ZNF69: variants seen among roughly 807,000 people sequenced by gnomAD.
ZNF69 encodes zinc finger protein 69.
In ZNF69, 47 loss-of-function variants were observed where a neutral mutation model predicts 50.9. The observed-to-expected ratio is 0.92, with a 90% confidence interval of 0.73 to 1.18. The LOEUF is 1.18. Ranked by LOEUF, ZNF69 falls within the 50% of genes most tolerant of loss-of-function variation. The pLI, the probability that ZNF69 is intolerant of heterozygous loss-of-function variation, is 0.00. For missense variants in ZNF69, 717 were observed against 675.1 expected (o/e 1.06, Z -0.69); for synonymous variants, 216 against 223.1 (o/e 0.97, Z 0.29).
chr19:11,903,173 G>T (rs894810700), intron 1 of ZNF69, among the ~76,000 whole-genome samples: 1 of 151,962 alleles, frequency 6.6e-6, no homozygotes, highest in Non-Finnish European at 1.5e-5. Flanking sequence ...GGTGGCTCAC[G>T]CCTGTAATCC....
At chr19:11,949,893 G>C in the ZNF69 span, 2 of 1,613,882 alleles carry the variant, frequency 1.2e-6, no homozygotes, top group South Asian at 2.2e-5. Flanking sequence ...ATGAGTGTAA[G>C]CAATGTGGGA....
In ZNF69 at chr19:11,906,376, C is replaced by T. The variant is rs1599360405; in HGVS notation, c.*278C>T. The T allele has an allele frequency of 2.7e-6, 2 of 746,276 alleles. No individual in the cohort carries two copies. Among genetic ancestry groups the T allele is most frequent in the Non-Finnish European group, 3.6e-6 (2 of 558,796 alleles). The allele number at this position is 746,276 out of a possible 1,614,324, so 46.2% of individuals were successfully genotyped here. A position where few individuals can be genotyped will look rare whatever the true frequency, so the allele number is the denominator to read the frequency against. On this transcript the variant is annotated 3_prime_UTR_variant, in exon 4 of 4. Transcript: ENST00000429654. ...GATCTAAGAATGGACAGTCTGCCTC[C>T]TCAAGTGGGTCCCTGATCTCCAAGT...
At chr19:11,958,208 CA>C in the ZNF69 span, among the ~76,000 whole-genome samples, 5 of 152,246 alleles carry the variant, frequency 3.3e-5, no homozygotes, top group South Asian at 1.0e-3. Context: ...TTGTATCCTT[CA>C]TAGTAAGTGG....
the ZNF69 span, among the ~76,000 whole-genome samples, chr19:11,932,919 G>A: frequency 6.7e-6 from 1 of 148,454 alleles, no homozygotes; most frequent in Non-Finnish European, 1.5e-5. Flanking sequence ...TTACAGGCGT[G>A]AGCCACTGCA....
chr19:11,950,140 T>A, the ZNF69 span: 12 of 1,613,914 alleles, frequency 7.4e-6, no homozygotes, highest in African/African-American at 1.6e-4. Flanking sequence ...ACACTATGAA[T>A]GTAAGGAATG....
At chr19:11,932,827 CG>C in the ZNF69 span, among the ~76,000 whole-genome samples, 1 of 147,360 alleles carries the variant, frequency 6.8e-6, no homozygotes, top group East Asian at 1.9e-4. Context: ...TTAGTAGAGA[CG>C]GGGTTTCACC....
chr19:11,965,353 G>A, the ZNF69 span: 9 of 1,194,686 alleles, frequency 7.5e-6, no homozygotes. Flanking sequence ...TCGGCCCTCG[G>A]TCCCCTCGGC....
chr19:11,905,272 G>A lies in ZNF69; in HGVS notation c.875G>A (p.Arg292His), dbSNP rs551769883. Reference protein sequence around the residue: ...GKAFHSPRCYRRHERIHTGEK... With the variant: ...GKAFHSPRCYHRHERIHTGEK... ...GCATTTCATAGTCCCAGATGCTATCGTAGACATGAAAGGATTCACACGGGA... is the reference window on the plus strand; with the variant it reads ...GCATTTCATAGTCCCAGATGCTATCATAGACATGAAAGGATTCACACGGGA... The change falls in exon 4 of 4, where the codon CGT (arginine) becomes CAT (histidine). Residue 292 changes from arginine to histidine, a missense_variant. Coordinates refer to ENST00000429654, the MANE Select transcript of ZNF69 (RefSeq NM_001364730.1). 192 of 1,613,858 alleles carry A rather than the reference G, an allele frequency of 1.2e-4. 1 individual carries two copies. Among genetic ancestry groups the A allele is most frequent in the Middle Eastern group, 1.2e-3 (7 of 6,058 alleles).
rs761988462 is a variant in ZNF69, at chr19:11,904,669, T to C, written c.272T>C (p.Val91Ala). The change falls in exon 4 of 4, where the codon GTC becomes GCC. Residue 91 changes from valine (V) to alanine (A), a missense_variant. Val to Ala is a moderately conservative substitution (Grantham distance 64). Coordinates refer to ENST00000429654, the MANE Select transcript of ZNF69 (RefSeq NM_001364730.1). ...RNFRSLIEKK[V>A]NEIKDDSHCG... The stretch of plus-strand genomic sequence containing the variant: ...GACAGGAGTCTCATAGAAAAGAAAG[T>C]CAATGAAATTAAAGATGACAGTCAT... The C allele has an allele frequency of 6.2e-7, 1 of 1,612,676 alleles. No homozygotes were observed. The highest frequency in any genetic ancestry group is 1.1e-5 in the South Asian group (1 of 90,796).
chr19:11,948,974 A>T, the ZNF69 span: 4 of 1,607,890 alleles, frequency 2.5e-6, no homozygotes, highest in South Asian at 2.2e-5. Flanking sequence ...GCATTTGCAT[A>T]TACCAGTTCT....
the ZNF69 span, chr19:11,980,026 T>C: frequency 3.5e-6 from 4 of 1,136,232 alleles, no homozygotes; most frequent in African/African-American, 3.1e-5. Context: ...TCACTTCTTT[T>C]CGATAACATG....
chr19:11,943,456 A>G, the ZNF69 span, among the ~76,000 whole-genome samples: 5 of 152,198 alleles, frequency 3.3e-5, no homozygotes, highest in Admixed American at 2.0e-4. Flanking sequence ...TTGTAACCAT[A>G]TGATCCGGTT....
At chr19:11,924,344 A>T in the ZNF69 span, among the ~76,000 whole-genome samples, 3 of 149,726 alleles carry the variant, frequency 2.0e-5, no homozygotes, top group African/African-American at 7.4e-5. Context: ...AGGTAAGAGA[A>T]TGGCGTGAAC....
At chr19:11,904,272 C>T (rs1188210907) in intron 3 of ZNF69, among the ~76,000 whole-genome samples, 1 of 152,108 alleles carries the variant, frequency 6.6e-6, no homozygotes, top group Non-Finnish European at 1.5e-5. Context: ...GTAGTCCCAG[C>T]TACTCAGGAG....
At chr19:11,895,871 C>T (rs1424992568) in intron 1 of ZNF69, among the ~76,000 whole-genome samples, 1 of 152,090 alleles carries the variant, frequency 6.6e-6, no homozygotes, top group African/African-American at 2.4e-5. Flanking sequence ...TAAGTGTTCA[C>T]CACTTGTATC....
intron 1 of ZNF69, among the ~76,000 whole-genome samples, chr19:11,890,616 C>T (rs1049972832): frequency 2.6e-5 from 4 of 152,126 alleles, no homozygotes; most frequent in East Asian, 1.9e-4. Flanking sequence ...TGCACCACCA[C>T]GCCTGCCTAA....
rs1972360732 is a variant in ZNF69, at chr19:11,905,837, T to G, written c.1440T>G (p.Cys480Trp). The G allele has an allele frequency of 6.2e-7, 1 of 1,613,854 alleles. No homozygotes were observed. The highest frequency in any genetic ancestry group is 1.7e-5 in the Admixed American group (1 of 59,984). Residue 480 changes from cysteine to tryptophan, a missense_variant, in exon 4 of 4, where the codon TGT becomes TGG. Physicochemically the swap from Cys to Trp is radical, Grantham distance 215. Coordinates refer to ENST00000429654, the MANE Select transcript of ZNF69 (RefSeq NM_001364730.1). ...ACTCTGGAGAAAGACCTTATAAATGTAAGCTATGTGGGAAAGGCTTTTATT... is the reference window on the plus strand; with the variant it reads ...ACTCTGGAGAAAGACCTTATAAATGGAAGCTATGTGGGAAAGGCTTTTATT... ...RIHSGERPYK[C>W]KLCGKGFYCP... is the part of the protein sequence containing the mutation.
the ZNF69 span, chr19:11,977,015 T>G: frequency 6.2e-6 from 10 of 1,613,766 alleles, no homozygotes; most frequent in Non-Finnish European, 8.5e-6. Flanking sequence ...CCCAGCCTCC[T>G]CTACACATGT....
At chr19:11,962,606 C>A in the ZNF69 span, among the ~76,000 whole-genome samples, 1 of 152,064 alleles carries the variant, frequency 6.6e-6, no homozygotes, top group South Asian at 2.1e-4. Context: ...AGTGACCCCC[C>A]CCCACCTCAG....
Sources: allele counts gnomAD v4.1 joint callset (sites outside exome capture counted in the v4.1 genomes callset), GRCh38; gene constraint gnomAD v4.1.1; transcripts MANE v1.5; gene names NCBI Gene and HGNC (gene_info 2026-07-23, HGNC 2026-07-21).